Variants in ERCC4 observed in about 807,000 individuals in gnomAD.
ERCC4 encodes the protein DNA repair endonuclease XPF.
Under a neutral mutation model 76.9 loss-of-function variants are expected in ERCC4, and 65 were observed. The ratio of observed to expected loss-of-function variants is 0.84; its 90% CI spans 0.69 to 1.04. The LOEUF (loss-of-function observed/expected upper bound fraction) is 1.04, where lower values mean the gene tolerates loss of function less well. Among genes scored for constraint, ERCC4 ranks in the 50% least tolerant of loss-of-function variants. The pLI is 0.00. For missense variants in ERCC4, 1,214 were observed against 1,128.2 expected (o/e 1.08, Z -1.09); for synonymous variants, 463 against 410.1 (o/e 1.13, Z -1.56).
In ERCC4 at chr16:13,948,375, G is replaced by T. The variant is rs1427796604; in HGVS notation, c.*28G>T. 1.2e-6 allele frequency: 2 copies of T among 1,603,492 alleles called. No individual in the cohort carries two copies. Among genetic ancestry groups the T allele is most frequent in the Non-Finnish European group, 1.7e-6 (2 of 1,179,602 alleles). ...AGTGATGGCTGTTTTCTTATCCCAT[G>T]CCTGTACTTTTCAGCGGCTCCTTGC... On this transcript the variant is annotated 3_prime_UTR_variant, in exon 11 of 11. Coordinates refer to ENST00000311895, the MANE Select transcript of ERCC4 (RefSeq NM_005236.3).
At chr16:13,935,036 T>C in intron 7 of ERCC4, 110 bp from the exon 8 acceptor site, 1 of 856,936 alleles carries the variant, frequency 1.2e-6, no homozygotes, top group South Asian at 1.3e-5. Flanking sequence ...TGTGGATCTT[T>C]AATACCAAAG....
chr16:13,939,198 T>C (rs1272031636), intron 9 of ERCC4, among the ~76,000 whole-genome samples: 1 of 152,200 alleles, frequency 6.6e-6, no homozygotes, highest in Non-Finnish European at 1.5e-5. Flanking sequence ...CTCTCTGTCT[T>C]ACTCTTTGTC....
intron 9 of ERCC4, among the ~76,000 whole-genome samples, chr16:13,941,307 A>G (rs1293102252): frequency 6.6e-6 from 1 of 152,174 alleles, no homozygotes; most frequent in African/African-American, 2.4e-5. Context: ...AGATCTTCCC[A>G]TTTTACCCAG....
intron 2 of ERCC4, among the ~76,000 whole-genome samples, chr16:13,923,827 T>C (rs1367404164): frequency 6.6e-6 from 1 of 152,254 alleles, no homozygotes; most frequent in Non-Finnish European, 1.5e-5. Flanking sequence ...TGCTTTCTTA[T>C]AAGCTTGGTT....
chr16:13,934,605 G>A (rs1054312972), intron 7 of ERCC4: 8 of 369,210 alleles, frequency 2.2e-5, no homozygotes, highest in Admixed American at 1.3e-4. Flanking sequence ...TTTAAAGATT[G>A]AGCTAATCTC....
At position 13,920,188 on chromosome 16, in the gene ERCC4, G is replaced by A. The variant is rs759843019; in HGVS notation, c.23G>A (p.Arg8Gln). The change falls in exon 1 of 11, where the codon CGA (arginine) becomes CAA (glutamine). Residue 8 changes from arginine (R) to glutamine (Q), a missense_variant. Transcript: ENST00000311895. ...TCCATGGAGTCAGGGCAGCCGGCTCGACGGATTGCCATGGCGCCGCTGCTG... is the reference window on the plus strand; with the variant it reads ...TCCATGGAGTCAGGGCAGCCGGCTCAACGGATTGCCATGGCGCCGCTGCTG... The part of the protein sequence containing the change: MESGQPA[R>Q]RIAMAPLLEY... 4.4e-6 allele frequency: 7 copies of A among 1,606,240 alleles called. No individual in the cohort carries two copies. Among genetic ancestry groups the A allele is most frequent in the African/African-American group, 2.7e-5 (2 of 74,932 alleles).
In ERCC4 at chr16:13,922,059, A is replaced by C; in HGVS notation, c.236A>C (p.Glu79Ala). Residue 79 changes from glutamate to alanine, a missense_variant, in exon 2 of 11, where the codon GAA (glutamate) becomes GCA (alanine). Physicochemically the swap from Glu to Ala is moderately radical, Grantham distance 107. Coordinates refer to ENST00000311895, the MANE Select transcript of ERCC4 (RefSeq NM_005236.3). ...TATTTTATCAATCAGCTGAAGATAG[A>C]AGGAGTTGAACACCTCCCTCGCCGT... is the stretch of plus-strand genomic sequence containing the variant. ...EEYFINQLKI[E>A]GVEHLPRRVT... is the part of the protein sequence containing the mutation. 2 of 1,613,758 alleles carry C rather than the reference A, an allele frequency of 1.2e-6. No individual in the cohort carries two copies. The highest frequency in any genetic ancestry group is 1.7e-6 in the Non-Finnish European group (2 of 1,179,736).
At chr16:13,942,732 C>T (rs571049275) in intron 9 of ERCC4, among the ~76,000 whole-genome samples, 17 of 152,292 alleles carry the variant, frequency 1.1e-4, no homozygotes, top group South Asian at 4.1e-4. Flanking sequence ...TGTACTCTAA[C>T]CCCCTAAGAT....
In ERCC4 at chr16:13,939,910, T is replaced by G. The variant is rs3136179; in HGVS notation, c.1904+2052T>G. ...TTTTAGAACAGCCTTTGCCCAAGTT[T>G]TCGCTCATTAAAATAATTGTCACCT... On this transcript the variant is annotated intron_variant, in intron 9 of 10. Coordinates refer to ENST00000311895, the MANE Select transcript of ERCC4 (RefSeq NM_005236.3). Among the ~76,000 whole-genome samples, 437 of 152,282 alleles carry G rather than the reference T, an allele frequency of 2.9e-3. 1 individual carries two copies. The highest frequency in any genetic ancestry group is 9.7e-3 in the African/African-American group (405 of 41,562).
Position 13,948,142 on chromosome 16 carries a change from A to C in ERCC4, c.2546A>C (p.Gln849Pro). The C allele has an allele frequency of 6.2e-7, 1 of 1,614,190 alleles. No individual in the cohort carries two copies. The highest frequency in any genetic ancestry group is 8.5e-7 in the Non-Finnish European group (1 of 1,180,048). The change falls in exon 11 of 11, where the codon CAA (glutamine) becomes CCA (proline). Residue 849 changes from glutamine (Q) to proline (P), a missense_variant. By Grantham distance (76) the Gln-to-Pro change is moderately conservative (BLOSUM62 -1). Transcript: ENST00000311895. ...PESEKYNPGPQDFLLKMPGVN... is the reference protein window; with the variant it reads ...PESEKYNPGPPDFLLKMPGVN... ...TCAGAGAAGTATAATCCTGGTCCCC[A>C]AGACTTCTTGTTAAAAATGCCAGGG...
At chr16:13,920,519 G>C (rs958892988) in intron 1 of ERCC4, 147 bp downstream of exon 1, 2 of 759,426 alleles carry the variant, frequency 2.6e-6, no homozygotes, top group Admixed American at 4.2e-5. Context: ...AGGATGGCAG[G>C]GGTCCCCAGG....
At chr16:13,920,956 G>T (rs909203946) in intron 1 of ERCC4, among the ~76,000 whole-genome samples, 3 of 152,204 alleles carry the variant, frequency 2.0e-5, no homozygotes, top group Non-Finnish European at 2.9e-5. Context: ...AAGGTGAAGG[G>T]GCTCTGAGTG....
chr16:13,926,046 A>G (rs950813774), intron 2 of ERCC4, among the ~76,000 whole-genome samples: 6 of 152,140 alleles, frequency 3.9e-5, no homozygotes, highest in Non-Finnish European at 8.8e-5. Flanking sequence ...AATTCATCTC[A>G]TAGGTAATGT....
chr16:13,941,901 G>A (rs2032419576), intron 9 of ERCC4, among the ~76,000 whole-genome samples: 1 of 152,132 alleles, frequency 6.6e-6, no homozygotes, highest in African/African-American at 2.4e-5. Flanking sequence ...TGTTGCCATA[G>A]GATTATGTTG....
At position 13,935,570 on chromosome 16, in the gene ERCC4, C is replaced by T. The variant is rs1340075563; in HGVS notation, c.1638C>T (p.Ile546=). The change falls in exon 8 of 11, where the codon ATC becomes ATT. Residue 546 remains isoleucine, a synonymous_variant. Coordinates refer to ENST00000311895, the MANE Select transcript of ERCC4 (RefSeq NM_005236.3). Reference sequence around the variant, plus strand: ...TGTCATCGGATGCTGCTTTCGGAATCCTGAAAGAACCCCTCACTATCATCC... The same window carrying T: ...TGTCATCGGATGCTGCTTTCGGAATTCTGAAAGAACCCCTCACTATCATCC... ...VNLSSDAAFG[I]LKEPLTIIHP... 3 of 1,614,040 alleles carry T rather than the reference C, an allele frequency of 1.9e-6. No homozygotes were observed. Among genetic ancestry groups the T allele is most frequent in the African/African-American group, 2.7e-5 (2 of 74,908 alleles).
intron 10 of ERCC4, among the ~76,000 whole-genome samples, chr16:13,946,703 G>C (rs1420745038): frequency 6.6e-6 from 1 of 152,124 alleles, no homozygotes; most frequent in Non-Finnish European, 1.5e-5. Flanking sequence ...CAGATTCTTA[G>C]ACCCCTTAGA....
chr16:13,937,830 G>C lies in ERCC4; in HGVS notation c.1876G>C (p.Glu626Gln). Residue 626 changes from glutamate to glutamine, a missense_variant, in exon 9 of 11, where the codon GAA (glutamate) becomes CAA (glutamine). Physicochemically the swap from Glu to Gln is conservative, Grantham distance 29 (BLOSUM62 2). Coordinates refer to ENST00000311895, the MANE Select transcript of ERCC4 (RefSeq NM_005236.3). ...EQRYLTALRK[E>Q]KEAFEKLIRE... ...ACGCTATCTCACTGCTTTGCGGAAA[G>C]AAAAGGAAGCTTTTGAAAAACTCAT... 2 of 1,613,354 alleles carry C rather than the reference G, an allele frequency of 1.2e-6. No individual in the cohort carries two copies. Among genetic ancestry groups the C allele is most frequent in the Non-Finnish European group, 1.7e-6 (2 of 1,179,332 alleles).
intron 9 of ERCC4, among the ~76,000 whole-genome samples, chr16:13,939,208 C>G (rs1406608352): frequency 1.3e-5 from 2 of 152,126 alleles, no homozygotes; most frequent in African/African-American, 4.8e-5. Context: ...TACTCTTTGT[C>G]TGCTAGACCT....
Position 13,947,608 on chromosome 16 carries a change from C to T in ERCC4, c.2018-6C>T, listed in dbSNP as rs768550110. 1 of 1,614,078 alleles carries T rather than the reference C, an allele frequency of 6.2e-7. No homozygotes were observed. On this transcript the variant is annotated splice_region_variant and splice_polypyrimidine_tract_variant and intron_variant, in intron 10 of 10. Transcript: ENST00000311895. Reference sequence around the variant, plus strand: ...CCCAGTGACATTACTTACTTTTTCTCTGTAGGTGGCCAGGAACAGAATGGT... The same window carrying T: ...CCCAGTGACATTACTTACTTTTTCTTTGTAGGTGGCCAGGAACAGAATGGT...
Sources: gnomAD v4.1 joint callset for allele counts (sites outside exome capture counted in the v4.1 genomes callset) on GRCh38, gnomAD v4.1.1 for gene constraint, MANE v1.5 for transcripts, NCBI Gene and HGNC (gene_info 2026-07-23, HGNC 2026-07-21) for gene names.